Variants in MPP7 observed in about 807,000 individuals in gnomAD.
MPP7 encodes MAGUK p55 subfamily member 7.
Under a neutral mutation model 76.5 loss-of-function variants are expected in MPP7, and 60 were observed. The ratio of observed to expected loss-of-function variants is 0.78; its 90% CI spans 0.64 to 0.97. The LOEUF (loss-of-function observed/expected upper bound fraction) is 0.97. Among genes scored for constraint, MPP7 ranks in the 50% least tolerant of loss-of-function variants. The pLI is 0.00. For synonymous variants in MPP7, 237 were observed against 244.5 expected, an observed-to-expected ratio of 0.97 and a Z score of 0.29; for missense variants, 641 against 694.0, an observed-to-expected ratio of 0.92 and a Z score of 0.86.
At chr10:28,213,805 AAAAAAGAGAG>A (rs1356747950) in intron 2 of MPP7, among the ~76,000 whole-genome samples, 1 of 149,180 alleles carries the variant, frequency 6.7e-6, no homozygotes, top group African/African-American at 2.5e-5. Flanking sequence ...AAAAAAAAAA[AAAAAAGAGAG>A]AGAGAGAGAG....
chr10:28,081,284 T>G (rs906221270), intron 12 of MPP7, among the ~76,000 whole-genome samples: 1 of 152,220 alleles, frequency 6.6e-6, no homozygotes, highest in African/African-American at 2.4e-5. Flanking sequence ...ACCTAAGTCT[T>G]CTCCCTGCTC....
At chr10:28,168,890 A>C (rs2133858407) in intron 3 of MPP7, among the ~76,000 whole-genome samples, 1 of 152,226 alleles carries the variant, frequency 6.6e-6, no homozygotes, top group South Asian at 2.1e-4. Flanking sequence ...TCTAAAATTG[A>C]TTTTGGTTTA....
chr10:28,303,757 G>A (rs903441832), upstream of MPP7, among the ~76,000 whole-genome samples: 1 of 152,108 alleles, frequency 6.6e-6, no homozygotes, highest in Admixed American at 6.5e-5. Context: ...CACAATAGAA[G>A]AAAATACAGT....
intron 3 of MPP7, among the ~76,000 whole-genome samples, chr10:28,158,000 C>T (rs558324397): frequency 6.6e-6 from 1 of 152,180 alleles, no homozygotes; most frequent in African/African-American, 2.4e-5. Context: ...AGTTCACCAC[C>T]AGATCCCTTG....
At chr10:28,085,633 A>G (rs369271816) in intron 12 of MPP7, among the ~76,000 whole-genome samples, 26 of 152,204 alleles carry the variant, frequency 1.7e-4, no homozygotes, top group African/African-American at 6.0e-4. Context: ...CAAAGGCAAT[A>G]TAAACGTTCA....
In MPP7 at chr10:28,239,128, A is replaced by G. The variant is rs571525022; in HGVS notation, c.-131-393T>C. 8.2e-5 allele frequency among the ~76,000 whole-genome samples: 12 copies of G among 146,860 alleles called. No homozygotes were observed. The East Asian group carries it at 2.3e-3, about 29-fold the overall frequency. On this transcript the variant is annotated intron_variant, in intron 1 of 16. Transcript: ENST00000683449. ...AGACTATATAAATTGTCAGCAACTT[A>G]TAATTTTTATTTTTTTATTTTTATT... is the stretch of plus-strand genomic sequence containing the variant.
At chr10:28,060,897 TC>T (rs1426979039) in intron 13 of MPP7, among the ~76,000 whole-genome samples, 3 of 152,114 alleles carry the variant, frequency 2.0e-5, no homozygotes, top group African/African-American at 7.2e-5. Flanking sequence ...AAAAAGAGTA[TC>T]GCAAAACATA....
rs1466494057 is a variant in MPP7 at position 28,291,260 on chromosome 10, GA to G, written c.-132+11600del. On this transcript the variant is annotated intron_variant, in intron 1 of 16. Coordinates refer to ENST00000683449, the MANE Select transcript of MPP7 (RefSeq NM_001318170.2). ...TAACCACTGATGCTGGCAAGACCAG[GA>G]AAAGTAGCTCCTTTGGATAGGATGA... Among the ~76,000 whole-genome samples the G allele has an allele frequency of 7.9e-5, 12 of 152,180 alleles. No individual in the cohort carries two copies. In the East Asian group the frequency reaches 2.3e-3, roughly 29 times the overall value.
In MPP7 at chr10:28,089,796, GTTTTC is replaced by G. The variant is rs776972486; in HGVS notation, c.993_997del (p.Lys331AsnfsTer3). ...CTTGCATTCATACATGGATTTATTT[GTTTTC>G]TTATCTTTTCTACTAAGACGAAAAC... On this transcript the variant is annotated frameshift_variant, in exon 12 of 17. Transcript: ENST00000683449. LOFTEE classifies it high-confidence loss of function. The G allele has an allele frequency of 6.3e-7, 1 of 1,592,548 alleles. No homozygotes were observed. The highest frequency in any genetic ancestry group is 1.7e-5 in the Admixed American group (1 of 59,632).
In MPP7 at chr10:28,125,044, G is replaced by A; in HGVS notation, c.495C>T (p.Ala165=). ...CTGCAGCTCCTCCTCTCATGATTCT[G>A]GCCACAATGATCGCCCCGGTCTGTT... ...KDEQTGAIIV[A]RIMRGGAADR... Residue 165 remains alanine, a synonymous_variant, in exon 7 of 17, where the codon GCC becomes GCT. Coordinates refer to ENST00000683449, the MANE Select transcript of MPP7 (RefSeq NM_001318170.2). 6.2e-7 allele frequency: 1 copy of A among 1,613,982 alleles called. No individual in the cohort carries two copies. The highest frequency in any genetic ancestry group is 1.1e-5 in the South Asian group (1 of 91,084).
chr10:28,196,889 T>A (rs1178739444), intron 3 of MPP7, among the ~76,000 whole-genome samples: 1 of 152,172 alleles, frequency 6.6e-6, no homozygotes, highest in Admixed American at 6.5e-5. Context: ...AAACCTGATA[T>A]CTTCACTGTT....
intron 1 of MPP7, among the ~76,000 whole-genome samples, chr10:28,249,454 T>G (rs1025708833): frequency 6.6e-6 from 1 of 152,140 alleles, no homozygotes; most frequent in Non-Finnish European, 1.5e-5. Flanking sequence ...CCGGGCATGG[T>G]GGCACACGCT....
intron 11 of MPP7, among the ~76,000 whole-genome samples, chr10:28,105,571 G>A (rs563673980): frequency 3.3e-5 from 5 of 152,120 alleles, no homozygotes; most frequent in African/African-American, 7.2e-5. Context: ...GCAATGGCGC[G>A]ATCTCAGTTC....
intron 1 of MPP7, among the ~76,000 whole-genome samples, chr10:28,331,730 A>G (rs1049238329): frequency 1.3e-5 from 2 of 152,074 alleles, no homozygotes; most frequent in African/African-American, 4.8e-5. Flanking sequence ...GCACACCACC[A>G]TGCCCAGCTA....
chr10:28,198,361 A>G (rs1837655827), intron 3 of MPP7, among the ~76,000 whole-genome samples: 1 of 152,094 alleles, frequency 6.6e-6, no homozygotes, highest in Non-Finnish European at 1.5e-5. Context: ...TGGATCCCTT[A>G]GGTCAGGATT....
intron 2 of MPP7, among the ~76,000 whole-genome samples, chr10:28,317,345 T>G (rs750710968): frequency 2.6e-5 from 4 of 152,148 alleles, no homozygotes; most frequent in Non-Finnish European, 5.9e-5. Flanking sequence ...CTGGGCAACA[T>G]AGGGAGAGCC....
At chr10:28,246,062 A>G (rs1027653831) in intron 1 of MPP7, among the ~76,000 whole-genome samples, 2 of 152,156 alleles carry the variant, frequency 1.3e-5, no homozygotes, top group Admixed American at 1.3e-4. Context: ...ATGGCTGAAA[A>G]TTTCCCAAAT....
intron 11 of MPP7, among the ~76,000 whole-genome samples, chr10:28,115,272 T>G (rs573310749): frequency 1.3e-5 from 2 of 152,136 alleles, no homozygotes; most frequent in South Asian, 4.1e-4. Flanking sequence ...CTGGCTAATT[T>G]TTTTGTATTT....
intron 11 of MPP7, among the ~76,000 whole-genome samples, chr10:28,102,904 A>G (rs985501937): frequency 6.6e-6 from 1 of 152,134 alleles, no homozygotes; most frequent in African/African-American, 2.4e-5. Flanking sequence ...ACCCTTACAC[A>G]CAGAAGGCAG....
Sources: allele counts gnomAD v4.1 joint callset (sites outside exome capture counted in the v4.1 genomes callset), GRCh38; gene constraint gnomAD v4.1.1; transcripts MANE v1.5; gene names NCBI Gene and HGNC (gene_info 2026-07-23, HGNC 2026-07-21).